RBMS3: variants seen among roughly 807,000 people sequenced by gnomAD.
RBMS3 encodes RNA binding motif single stranded interacting protein 3, also known as RNA-binding motif, single-stranded-interacting protein 3.
In RBMS3, 27 loss-of-function variants were observed where a neutral mutation model predicts 66.8. That is an observed-to-expected ratio of 0.40 (90% CI 0.30 to 0.56). RBMS3 has a LOEUF of 0.56. Among genes scored for constraint, RBMS3 ranks in the 20% least tolerant of loss-of-function variants. The pLI is 0.40. For missense variants in RBMS3, 513 were observed against 549.5 expected, an observed-to-expected ratio of 0.93 and a Z score of 0.66; for synonymous variants, 188 against 183.0, an observed-to-expected ratio of 1.03 and a Z score of -0.22.
intron 1 of RBMS3, among the ~76,000 whole-genome samples, chr3:29,358,221 T>C (rs1259062015): frequency 6.6e-6 from 1 of 152,242 alleles, no homozygotes; most frequent in Admixed American, 6.5e-5. Context: ...TTAATTTTTG[T>C]ATAAGATGTA....
chr3:29,447,806 G>A (rs2041885330), intron 2 of RBMS3, among the ~76,000 whole-genome samples: 1 of 151,996 alleles, frequency 6.6e-6, no homozygotes, highest in Admixed American at 6.6e-5. Flanking sequence ...ATGTCCTTTC[G>A]AGCTCCTGTG....
intron 1 of RBMS3, among the ~76,000 whole-genome samples, chr3:29,360,375 C>T (rs537663971): frequency 6.6e-6 from 1 of 151,954 alleles, no homozygotes; most frequent in Non-Finnish European, 1.5e-5. Context: ...GTTTCTTAAT[C>T]CTGAGTTCTA....
chr3:29,772,499 C>A (rs765885097), intron 6 of RBMS3, among the ~76,000 whole-genome samples: 2 of 151,916 alleles, frequency 1.3e-5, no homozygotes, highest in Non-Finnish European at 2.9e-5. Context: ...CTTGTTAAAG[C>A]ACAGTAAGAG....
chr3:29,532,212 A>T (rs2045376883), intron 3 of RBMS3, among the ~76,000 whole-genome samples: 1 of 141,458 alleles, frequency 7.1e-6, no homozygotes, highest in Non-Finnish European at 1.5e-5. Flanking sequence ...TGTATATATG[A>T]TCTTTCAGTC....
At position 29,868,978 on chromosome 3, in the gene RBMS3, G is replaced by A; in HGVS notation, c.744+14G>A. The A allele has an allele frequency of 1.3e-6, 2 of 1,563,602 alleles. No homozygotes were observed. Among genetic ancestry groups the A allele is most frequent in the Non-Finnish European group, 1.7e-6 (2 of 1,153,160 alleles). On this transcript the variant is annotated intron_variant, in intron 7 of 14. Coordinates refer to ENST00000383767, the MANE Select transcript of RBMS3 (RefSeq NM_001003793.3). ...AGGGAAGGAGAGGTGAGTCCTGACT[G>A]ATAACATTTGCTCTGAAATTTGGCA...
intron 3 of RBMS3, among the ~76,000 whole-genome samples, chr3:29,544,593 G>A (rs894142826): frequency 6.6e-6 from 1 of 151,944 alleles, no homozygotes; most frequent in Non-Finnish European, 1.5e-5. Flanking sequence ...AAAAAGGTGA[G>A]GCTAAGTCTT....
intron 4 of RBMS3, among the ~76,000 whole-genome samples, chr3:29,660,409 A>G (rs1455774969): frequency 6.6e-6 from 1 of 152,254 alleles, no homozygotes; most frequent in Non-Finnish European, 1.5e-5. Flanking sequence ...TTCACTTTCT[A>G]TCTGTGTCTT....
In RBMS3 at chr3:30,003,987, T is replaced by G; in HGVS notation, c.*125T>G. ...ATTTTTTTGTTGTTGTTGTTGTTTT[T>G]TTTTTAGTGTTATACCTTACCCAAT... On this transcript the variant is annotated 3_prime_UTR_variant, in exon 15 of 15. Coordinates refer to ENST00000383767, the MANE Select transcript of RBMS3 (RefSeq NM_001003793.3). The G allele has an allele frequency of 1.2e-6, 1 of 811,962 alleles. No homozygotes were observed. Among genetic ancestry groups the G allele is most frequent in the Non-Finnish European group, 1.8e-6 (1 of 571,248 alleles). The allele number at this position is 811,962 out of a possible 1,614,324, so 50.3% of individuals were successfully genotyped here. A position where few individuals can be genotyped will look rare whatever the true frequency, so the allele number is the denominator to read the frequency against.
rs1330340922 is a variant in RBMS3 at position 29,873,310 on chromosome 3, AG to A, written c.744+4347del. Among the ~76,000 whole-genome samples the A allele has an allele frequency of 5.6e-4, 85 of 151,916 alleles. 1 individual carries two copies. The highest frequency in any genetic ancestry group is 7.4e-5 in the Non-Finnish European group (5 of 67,980). The stretch of plus-strand genomic sequence containing the variant: ...CATCATAGAGACCTTTCACCTCCCT[AG>A]TTAGCTGTATTTCTAGGTATTTTAT... On this transcript the variant is annotated intron_variant, in intron 7 of 14. Transcript: ENST00000383767.
intron 3 of RBMS3, among the ~76,000 whole-genome samples, chr3:29,542,653 G>T (rs187277761): frequency 6.6e-6 from 1 of 152,150 alleles, no homozygotes; most frequent in Non-Finnish European, 1.5e-5. Flanking sequence ...GAGCCACCAC[G>T]CCCAGCCCAT....
intron 6 of RBMS3, among the ~76,000 whole-genome samples, chr3:29,803,283 G>T (rs990477591): frequency 6.6e-6 from 1 of 152,036 alleles, no homozygotes; most frequent in Non-Finnish European, 1.5e-5. Context: ...ATAATAACCC[G>T]CGGCTATGCT....
At chr3:29,582,124 A>G (rs2047348650) in intron 3 of RBMS3, among the ~76,000 whole-genome samples, 2 of 151,784 alleles carry the variant, frequency 1.3e-5, no homozygotes, top group Non-Finnish European at 2.9e-5. Context: ...CCATCTGGAC[A>G]CTACTATTCT....
intron 3 of RBMS3, among the ~76,000 whole-genome samples, chr3:29,530,731 G>A (rs929169178): frequency 6.6e-6 from 1 of 151,596 alleles, no homozygotes; most frequent in African/African-American, 2.4e-5. Context: ...AATTAGATGG[G>A]CGTGGTGGCG....
At chr3:29,514,346 C>T (rs1005899425) in intron 3 of RBMS3, among the ~76,000 whole-genome samples, 10 of 151,950 alleles carry the variant, frequency 6.6e-5, no homozygotes, top group Admixed American at 2.0e-4. Context: ...TAGAGGTAGT[C>T]GCTCCTCTAT....
chr3:29,604,274 A>G (rs2048246972), intron 4 of RBMS3, among the ~76,000 whole-genome samples: 1 of 151,976 alleles, frequency 6.6e-6, no homozygotes, highest in Admixed American at 6.6e-5. Flanking sequence ...CTTATAAGTG[A>G]CAAGAAACTA....
chr3:29,432,528 C>T (rs887573004), intron 1 of RBMS3, among the ~76,000 whole-genome samples: 2 of 152,168 alleles, frequency 1.3e-5, no homozygotes, highest in Non-Finnish European at 2.9e-5. Flanking sequence ...ATGCTAAGTG[C>T]TGTCTTTATT....
At chr3:29,384,417 C>CAATAATAATAAT (rs532698967) in intron 1 of RBMS3, among the ~76,000 whole-genome samples, 1,503 of 137,414 alleles carry the variant, frequency 0.011, 18 homozygotes, top group African/African-American at 0.022. Flanking sequence ...ACATATACAC[C>CAATAATAATAAT]AATAATAATA....
chr3:29,922,247 G>C (rs550332798), intron 10 of RBMS3, among the ~76,000 whole-genome samples: 2 of 152,130 alleles, frequency 1.3e-5, no homozygotes, highest in East Asian at 3.9e-4. Context: ...CAGCACTTTG[G>C]GAGGCCGAGG....
rs1311343476 is a variant in RBMS3 at position 29,506,103 on chromosome 3, T to C, written c.307+17604T>C. 2.6e-5 allele frequency among the ~76,000 whole-genome samples: 4 copies of C among 151,852 alleles called. No homozygotes were observed. In the East Asian group the frequency reaches 7.7e-4, roughly 29 times the overall value. The stretch of plus-strand genomic sequence containing the variant: ...GCTTAATTGTTCTCGCTAGGGGACG[T>C]CCAGTAATATGTTCAATAGAAGTGG... On this transcript the variant is annotated intron_variant, in intron 3 of 14. Coordinates refer to ENST00000383767, the MANE Select transcript of RBMS3 (RefSeq NM_001003793.3).
Sources: gnomAD v4.1 joint callset for allele counts (sites outside exome capture counted in the v4.1 genomes callset) on GRCh38, gnomAD v4.1.1 for gene constraint, MANE v1.5 for transcripts, NCBI Gene and HGNC (gene_info 2026-07-23, HGNC 2026-07-21) for gene names.